ATRNL1: variants seen among roughly 807,000 people sequenced by gnomAD.
ATRNL1 encodes attractin-like protein 1.
Under a neutral mutation model 182.7 loss-of-function variants are expected in ATRNL1, and 95 were observed. The observed-to-expected ratio is 0.52, with a 90% CI of 0.44 to 0.62. The LOEUF is 0.62. Ranked by LOEUF, ATRNL1 falls within the 20% of genes least tolerant of loss-of-function variation. The pLI, the probability that ATRNL1 is intolerant of heterozygous loss-of-function variation, is 0.00. For synonymous variants in ATRNL1, 576 were observed against 568.3 expected (o/e 1.01, Z -0.19); for missense variants, 1,471 against 1,679.5 (o/e 0.88, Z 2.17).
Position 115,871,469 on chromosome 10 carries a change from T to TTATATATATATATATA in ATRNL1, c.4018+23479_4018+23480insATATATATATATATAT, listed in dbSNP as rs1162576615. ...TCCTAGAAAGGCCTGGTCAGATTCT[T>TTATATATATATATATA]TGTGTGTGTGTATATATATATATAT... On this transcript the variant is annotated intron_variant, in intron 28 of 28. Transcript: ENST00000355044. 1.0e-3 allele frequency among the ~76,000 whole-genome samples: 141 copies of TTATATATATATATATA among 140,286 alleles called. 5 individuals are homozygous for TTATATATATATATATA. The highest frequency in any genetic ancestry group is 3.7e-3 in the Middle Eastern group (1 of 272). 92.0% of individuals were successfully genotyped at this position (140,286 alleles called of 152,430 possible). A position where few individuals can be genotyped will look rare whatever the true frequency, so the allele number is the denominator to read the frequency against.
At chr10:115,724,388 G>A (rs1311713802) in intron 26 of ATRNL1, among the ~76,000 whole-genome samples, 1 of 152,030 alleles carries the variant, frequency 6.6e-6, no homozygotes, top group Non-Finnish European at 1.5e-5. Context: ...TGGGCCTGTG[G>A]TAATTAGTGT....
intron 25 of ATRNL1, among the ~76,000 whole-genome samples, chr10:115,543,024 T>TG (rs1245267717): frequency 6.6e-6 from 1 of 152,194 alleles, no homozygotes; most frequent in Non-Finnish European, 1.5e-5. Flanking sequence ...ACAGCCACAC[T>TG]GGGGGGTTAG....
intron 26 of ATRNL1, among the ~76,000 whole-genome samples, chr10:115,640,368 T>C (rs1399023193): frequency 6.6e-6 from 1 of 152,216 alleles, no homozygotes; most frequent in African/African-American, 2.4e-5. Context: ...TCCACAATGG[T>C]TGAACCTAAT....
intron 9 of ATRNL1, 69 bp from the exon 10 acceptor site, chr10:115,241,502 A>G (rs1277315215): frequency 3.6e-6 from 4 of 1,105,758 alleles, no homozygotes; most frequent in Non-Finnish European, 5.2e-6. Context: ...TAGACCCTTT[A>G]TATAACATAT....
chr10:115,416,227 TGA>T (rs1845384309), intron 20 of ATRNL1, among the ~76,000 whole-genome samples: 1 of 152,102 alleles, frequency 6.6e-6, no homozygotes. Flanking sequence ...TTTTTCAAGC[TGA>T]GTTTCATACC....
chr10:115,562,920 A>C (rs1292755198), intron 26 of ATRNL1, among the ~76,000 whole-genome samples: 2 of 152,228 alleles, frequency 1.3e-5, no homozygotes, highest in African/African-American at 4.8e-5. Context: ...CTTACATGGA[A>C]ATGCAAAGGA....
intron 28 of ATRNL1, 60 bp from the exon 29 acceptor site, chr10:115,944,598 A>T: frequency 6.8e-7 from 1 of 1,477,522 alleles, no homozygotes; most frequent in Non-Finnish European, 9.1e-7. Context: ...CTTCACCACC[A>T]CTGTTGCCAT....
chr10:115,281,368 A>G lies in ATRNL1; in HGVS notation c.2114A>G (p.Tyr705Cys). ...TTAATTTTGTAGTCTGTCAAGAACT[A>G]CACCAAATGTCATGTGAGAAATGAG... ...NSNCSMSVKN[Y>C]TKCHVRNEQI... Residue 705 changes from tyrosine (Y) to cysteine (C), a missense_variant, in exon 14 of 29, where the codon TAC (tyrosine) becomes TGC (cysteine). Transcript: ENST00000355044. The G allele has an allele frequency of 6.2e-7, 1 of 1,612,404 alleles. No individual in the cohort carries two copies.
At chr10:115,482,379 A>C (rs1848809496) in intron 24 of ATRNL1, among the ~76,000 whole-genome samples, 3 of 151,014 alleles carry the variant, frequency 2.0e-5, no homozygotes, top group African/African-American at 7.3e-5. Context: ...TCAAATGGCA[A>C]AGTAAACACT....
chr10:115,762,484 G>C (rs1360249349), intron 27 of ATRNL1, among the ~76,000 whole-genome samples: 2 of 152,044 alleles, frequency 1.3e-5, no homozygotes, highest in Non-Finnish European at 2.9e-5. Flanking sequence ...AATGTGAGAA[G>C]AAACAACACA....
rs371804021 is a variant in ATRNL1, at chr10:115,839,961, C to G, written c.3904-7916C>G. 5.4e-4 allele frequency among the ~76,000 whole-genome samples: 82 copies of G among 152,300 alleles called. 1 individual carries two copies. Among genetic ancestry groups the G allele is most frequent in the African/African-American group, 1.9e-3 (79 of 41,568 alleles). On this transcript the variant is annotated intron_variant, in intron 27 of 28. Transcript: ENST00000355044. ...AACTTTCCCAATGGTTTACATCTAT[C>G]TATTCTAGATTGAGATTTTGTTTAT...
At chr10:115,170,223 T>C (rs1554885218) in intron 7 of ATRNL1, among the ~76,000 whole-genome samples, 9 of 152,182 alleles carry the variant, frequency 5.9e-5, no homozygotes. Context: ...GGGAAATGTA[T>C]CTAGTCTTTC....
At chr10:115,472,686 T>C (rs1421774026) in intron 24 of ATRNL1, among the ~76,000 whole-genome samples, 1 of 151,200 alleles carries the variant, frequency 6.6e-6, no homozygotes, top group African/African-American at 2.4e-5. Flanking sequence ...TTTTTGTATG[T>C]TGGTTTTGTA....
At chr10:115,533,273 T>A (rs139182284) in intron 25 of ATRNL1, among the ~76,000 whole-genome samples, 24,931 of 150,258 alleles carry the variant, frequency 0.17, 1,719 homozygotes, top group Non-Finnish European at 0.24. Context: ...ATTGCCACAG[T>A]TTCAGATGGT....
chr10:115,253,748 C>G (rs576886380), intron 10 of ATRNL1, among the ~76,000 whole-genome samples: 1 of 152,174 alleles, frequency 6.6e-6, no homozygotes, highest in East Asian at 1.9e-4. Context: ...ATCAACTCAT[C>G]ATTTACATTA....
At position 115,610,622 on chromosome 10, in the gene ATRNL1, C is replaced by T. The variant is rs975797934; in HGVS notation, c.3795+61086C>T. ...TCATGTTATTAAATGTCTTTTGAGCCCAATTTTTTATCTGTGAATCAGGGA... is the reference window on the plus strand; with the variant it reads ...TCATGTTATTAAATGTCTTTTGAGCTCAATTTTTTATCTGTGAATCAGGGA... On this transcript the variant is annotated intron_variant, in intron 26 of 28. Transcript: ENST00000355044. Among the ~76,000 whole-genome samples, 10 of 151,796 alleles carry T rather than the reference C, an allele frequency of 6.6e-5. No homozygotes were observed. In the East Asian group the frequency reaches 9.6e-4, roughly 15 times the overall value.
chr10:115,426,863 T>A (rs1490445885), intron 21 of ATRNL1, among the ~76,000 whole-genome samples: 4 of 152,168 alleles, frequency 2.6e-5, no homozygotes, highest in Non-Finnish European at 5.9e-5. Flanking sequence ...TAGCTGGGAT[T>A]ACATGTGCCC....
At chr10:115,825,843 G>GCCTATGTAT in intron 27 of ATRNL1, among the ~76,000 whole-genome samples, 1 of 152,254 alleles carries the variant, frequency 6.6e-6, no homozygotes, top group East Asian at 1.9e-4. Context: ...AGCTTGTATA[G>GCCTATGTAT]CCTATGTATC....
chr10:115,240,041 G>A (rs575105975), intron 9 of ATRNL1, among the ~76,000 whole-genome samples: 1 of 152,210 alleles, frequency 6.6e-6, no homozygotes, highest in East Asian at 1.9e-4. Flanking sequence ...TGAGGCAGGC[G>A]TGAGGGGGTT....
Sources: gnomAD v4.1 joint callset for allele counts (sites outside exome capture counted in the v4.1 genomes callset) on GRCh38, gnomAD v4.1.1 for gene constraint, MANE v1.5 for transcripts, NCBI Gene and HGNC (gene_info 2026-07-23, HGNC 2026-07-21) for gene names.